RYR2: variants seen among roughly 807,000 people sequenced by gnomAD.
RYR2 encodes ryanodine receptor 2, also known as cardiac muscle ryanodine receptor-calcium release channel.
RYR2 carries 227 observed loss-of-function variants against 601.1 expected under a neutral mutation model. That is an observed-to-expected ratio of 0.38 (90% CI 0.34 to 0.42). The LOEUF is 0.42. Among genes scored for constraint, RYR2 ranks in the 10% least tolerant of loss-of-function variants. The pLI is 1.00. For missense variants in RYR2, 4,646 were observed against 6,156.5 expected (o/e 0.75, Z 8.21); for synonymous variants, 2,223 against 2,175.1 (o/e 1.02, Z -0.61).
intron 40 of RYR2, among the ~76,000 whole-genome samples, chr1:237,626,237 T>G (rs909007137): frequency 1.3e-5 from 2 of 152,188 alleles, no homozygotes; most frequent in African/African-American, 4.8e-5. Flanking sequence ...ATACTTCTGG[T>G]TGATCCATAT....
chr1:237,127,600 C>T (rs1343432070), intron 1 of RYR2, among the ~76,000 whole-genome samples: 7 of 151,510 alleles, frequency 4.6e-5, no homozygotes, highest in Non-Finnish European at 5.9e-5. Flanking sequence ...GGGTGGCTGC[C>T]GGGCGGAGAC....
At chr1:237,609,586 T>C (rs1479596593) in intron 35 of RYR2, among the ~76,000 whole-genome samples, 2 of 152,046 alleles carry the variant, frequency 1.3e-5, no homozygotes, top group Non-Finnish European at 2.9e-5. Context: ...GCTGGTCTTG[T>C]ACTCCTGACC....
intron 2 of RYR2, among the ~76,000 whole-genome samples, chr1:237,285,683 A>G (rs1691481356): frequency 6.6e-6 from 1 of 152,090 alleles, no homozygotes; most frequent in Admixed American, 6.5e-5. Flanking sequence ...TAATTTTTAA[A>G]TTACCATTTC....
At chr1:237,489,981 C>T (rs569904549) in intron 17 of RYR2, among the ~76,000 whole-genome samples, 1 of 152,262 alleles carries the variant, frequency 6.6e-6, no homozygotes, top group African/African-American at 2.4e-5. Flanking sequence ...TACATATACA[C>T]CATAGAATAC....
At chr1:237,457,769 T>A (rs142809216) in intron 16 of RYR2, among the ~76,000 whole-genome samples, 2 of 152,178 alleles carry the variant, frequency 1.3e-5, no homozygotes, top group East Asian at 1.9e-4. Context: ...AATGACAAAT[T>A]TGCAAGATGT....
chr1:237,600,580 A>G (rs1676391449), intron 34 of RYR2, among the ~76,000 whole-genome samples: 1 of 152,204 alleles, frequency 6.6e-6, no homozygotes, highest in African/African-American at 2.4e-5. Flanking sequence ...CACAGGCAAC[A>G]AAAGCAAAAA....
intron 25 of RYR2, among the ~76,000 whole-genome samples, chr1:237,544,684 A>C (rs908934597): frequency 5.3e-5 from 8 of 152,212 alleles, no homozygotes; most frequent in African/African-American, 1.4e-4. Flanking sequence ...TTGTATTAAT[A>C]AGGTGAAATG....
chr1:237,572,707 G>A (rs2779409), intron 29 of RYR2, among the ~76,000 whole-genome samples: 52,735 of 151,948 alleles, frequency 0.35, 10,979 homozygotes, highest in Admixed American at 0.46. Flanking sequence ...TTCAAGGCAG[G>A]TTATAAGCTT....
intron 8 of RYR2, 126 bp from the exon 9 acceptor site, chr1:237,387,154 AG>A: frequency 1.3e-6 from 1 of 779,252 alleles, no homozygotes; most frequent in Non-Finnish European, 2.2e-6. Flanking sequence ...CTTGAATGAC[AG>A]GTTGAAACAG....
At chr1:237,511,546 G>A (rs1487348949) in intron 23 of RYR2, 142 bp from the exon 24 acceptor site, 6 of 617,920 alleles carry the variant, frequency 9.7e-6, no homozygotes, top group East Asian at 2.8e-5. Context: ...GCGCCTGAGA[G>A]GTTGTGGGGG....
At position 237,126,958 on chromosome 1, in the gene RYR2, T is replaced by C. The variant is rs564527883; in HGVS notation, c.48+84389T>C. On this transcript the variant is annotated intron_variant, in intron 1 of 104. Coordinates refer to ENST00000366574, the MANE Select transcript of RYR2 (RefSeq NM_001035.3). Reference sequence around the variant, plus strand: ...CTTCCGCAGTGTTTGTGTCCCTGGGTACTTGAGATTAGGGAGTGGTGATGA... The same window carrying C: ...CTTCCGCAGTGTTTGTGTCCCTGGGCACTTGAGATTAGGGAGTGGTGATGA... Among the ~76,000 whole-genome samples the C allele has an allele frequency of 1.7e-3, 252 of 151,898 alleles. 4 individuals carry two copies. The South Asian group carries it at 0.023, about 14-fold the overall frequency.
chr1:237,464,278 C>G (rs1659814637), intron 16 of RYR2, among the ~76,000 whole-genome samples: 1 of 152,056 alleles, frequency 6.6e-6, no homozygotes. Context: ...GACTTCCGTG[C>G]TTTTTTATTG....
intron 43 of RYR2, among the ~76,000 whole-genome samples, chr1:237,634,184 A>G (rs1263038465): frequency 6.6e-6 from 1 of 152,214 alleles, no homozygotes; most frequent in African/African-American, 2.4e-5. Context: ...AGCATTATTC[A>G]CAATAGCTGA....
At chr1:237,815,504 T>C (rs569174690) in intron 100 of RYR2, among the ~76,000 whole-genome samples, 1 of 152,338 alleles carries the variant, frequency 6.6e-6, no homozygotes, top group East Asian at 1.9e-4. Context: ...TTAAATTTGG[T>C]AATTTATTAA....
intron 33 of RYR2, among the ~76,000 whole-genome samples, chr1:237,594,892 T>TTTGTTTTTGTTTTTG (rs1573019166): frequency 6.7e-5 from 1 of 14,994 alleles, no homozygotes; most frequent in African/African-American, 1.1e-4. Context: ...CTGGGTTTTT[T>TTTGTTTTTGTTTTTG]TTTTTTTTTT....
intron 2 of RYR2, among the ~76,000 whole-genome samples, chr1:237,323,105 C>T (rs1650713176): frequency 6.6e-6 from 1 of 152,072 alleles, no homozygotes; most frequent in African/African-American, 2.4e-5. Context: ...AAACATAATT[C>T]TGACATACTT....
chr1:237,759,728 CA>C (rs778375086), intron 82 of RYR2, 47 bp from the exon 83 acceptor site: 16 of 1,120,844 alleles, frequency 1.4e-5, no homozygotes, highest in Non-Finnish European at 2.2e-5. Flanking sequence ...ATTTAACAAA[CA>C]ATAAGATTTT....
chr1:237,291,466 C>A (rs1406745502), intron 2 of RYR2, among the ~76,000 whole-genome samples: 1 of 152,080 alleles, frequency 6.6e-6, no homozygotes, highest in Non-Finnish European at 1.5e-5. Flanking sequence ...AGCTTATGTC[C>A]CCACAAACAC....
chr1:237,500,712 T>C lies in RYR2; in HGVS notation c.2205T>C (p.Gly735=). 6.3e-7 allele frequency: 1 copy of C among 1,599,570 alleles called. No homozygotes were observed. The highest frequency in any genetic ancestry group is 8.6e-7 in the Non-Finnish European group (1 of 1,169,516). ...TCCTTAATGTTTTCCCCCCAATAGG[T>C]TGTATTGCTCGTACTGTAAGCTCAC... ...YGFDGLHLWS[G]CIARTVSSPN... The change falls in exon 21 of 105, where the codon GGT becomes GGC. Residue 735 remains glycine (G), a splice_region_variant and synonymous_variant. Transcript: ENST00000366574.
Sources: gnomAD v4.1 joint callset for allele counts (sites outside exome capture counted in the v4.1 genomes callset) on GRCh38, gnomAD v4.1.1 for gene constraint, MANE v1.5 for transcripts, NCBI Gene and HGNC (gene_info 2026-07-23, HGNC 2026-07-21) for gene names.